IQSEC2: variants seen among roughly 807,000 people sequenced by gnomAD.
The protein encoded by IQSEC2 is IQ motif and Sec7 domain ArfGEF 2.
In IQSEC2, 6 loss-of-function variants were observed where a neutral mutation model predicts 74.6. The ratio of observed to expected loss-of-function variants is 0.08; its 90% confidence interval spans 0.04 to 0.16. IQSEC2 has a LOEUF of 0.16. Ranked by LOEUF, IQSEC2 falls within the 10% of genes least tolerant of loss-of-function variation. IQSEC2 has a pLI of 1.00. For synonymous variants in IQSEC2, 494 were observed against 544.5 expected (o/e 0.91, Z 1.29); for missense variants, 734 against 1,306.2 (o/e 0.56, Z 6.75).
intron 7 of IQSEC2, among the ~76,000 whole-genome samples, chrX:53,247,470 G>A (rs2074325632): frequency 8.9e-6 from 1 of 112,085 alleles, no homozygotes; most frequent in Non-Finnish European, 1.9e-5. Flanking sequence ...AAATGGTGAA[G>A]CCAGGATGAA....
At chrX:53,235,751 A>G in intron 14 of IQSEC2, 32 bp downstream of exon 14, 2 of 1,161,902 alleles carry the variant, frequency 1.7e-6, no homozygotes, top group Non-Finnish European at 2.3e-6. Flanking sequence ...GGGCTCATGC[A>G]GAGGACGAGT....
intron 2 of IQSEC2, among the ~76,000 whole-genome samples, chrX:53,291,083 A>AT (rs1164905107): frequency 9.0e-6 from 1 of 111,531 alleles, no homozygotes; most frequent in Non-Finnish European, 1.9e-5. Context: ...GGCCTATCCC[A>AT]TAGCCCCCAG....
intron 2 of IQSEC2, among the ~76,000 whole-genome samples, chrX:53,266,158 G>A (rs1271253828): frequency 9.0e-6 from 1 of 111,554 alleles, no homozygotes; most frequent in Non-Finnish European, 1.9e-5. Flanking sequence ...CCCGTGTTGG[G>A]AGTCATTCAT....
At chrX:53,313,497 T>C (rs1443797148) in intron 1 of IQSEC2, among the ~76,000 whole-genome samples, 2 of 111,564 alleles carry the variant, frequency 1.8e-5, no homozygotes, top group Middle Eastern at 4.6e-3. Flanking sequence ...CCAAATACCA[T>C]GAGGAAGTTA....
intron 1 of IQSEC2, among the ~76,000 whole-genome samples, chrX:53,310,467 C>T (rs997879344): frequency 1.8e-5 from 2 of 111,252 alleles, no homozygotes; most frequent in African/African-American, 6.5e-5. Flanking sequence ...TACAGAAAAA[C>T]TAAAATTCAG....
At chrX:53,306,549 T>TGGG (rs1222240746) in intron 1 of IQSEC2, among the ~76,000 whole-genome samples, 1 of 111,257 alleles carries the variant, frequency 9.0e-6, no homozygotes, top group Non-Finnish European at 1.9e-5. Context: ...CTTGGCTATG[T>TGGG]GGGGGGCCTA....
At chrX:53,318,936 A>C (rs782347761) in intron 1 of IQSEC2, among the ~76,000 whole-genome samples, 1 of 112,704 alleles carries the variant, frequency 8.9e-6, no homozygotes, top group Non-Finnish European at 1.9e-5. Flanking sequence ...TCCCGGACTG[A>C]GCTCGCAGCA....
At chrX:53,286,202 G>A (rs782090512) in intron 2 of IQSEC2, among the ~76,000 whole-genome samples, 7 of 111,522 alleles carry the variant, frequency 6.3e-5, no homozygotes, top group Non-Finnish European at 1.3e-4. Flanking sequence ...AATATTCACT[G>A]TACATTTAAA....
In IQSEC2 at chrX:53,285,127, C is replaced by T. The variant is rs1166496813; in HGVS notation, c.737+6768G>A. Among the ~76,000 whole-genome samples the T allele has an allele frequency of 2.7e-5, 3 of 112,237 alleles. No individual in the cohort carries two copies. In the East Asian group the frequency reaches 8.4e-4, roughly 31 times the overall value. On this transcript the variant is annotated intron_variant, in intron 2 of 14. Coordinates refer to ENST00000642864, the MANE Select transcript of IQSEC2 (RefSeq NM_001111125.3). ...CACTTCACTTTGCCCCACCCAACCC[C>T]TCCCCTGGCTAACTTCTACTCATGC...
rs186336237 is a variant in IQSEC2 at position 53,282,919 on chromosome X, G to A, written c.737+8976C>T. Reference sequence around the variant, plus strand: ...GAGACATTAAGTGTAGTGCTGGGCCGGGTGCAGTGGCTCACGCCTGTAATC... The same window carrying A: ...GAGACATTAAGTGTAGTGCTGGGCCAGGTGCAGTGGCTCACGCCTGTAATC... On this transcript the variant is annotated intron_variant, in intron 2 of 14. Coordinates refer to ENST00000642864, the MANE Select transcript of IQSEC2 (RefSeq NM_001111125.3). Among the ~76,000 whole-genome samples the A allele has an allele frequency of 3.7e-3, 410 of 111,969 alleles. 2 individuals are homozygous for A. Among genetic ancestry groups the A allele is most frequent in the African/African-American group, 0.012 (381 of 30,855 alleles).
chrX:53,266,612 T>C lies in IQSEC2; in HGVS notation c.738-10551A>G, dbSNP rs190839132. On this transcript the variant is annotated intron_variant, in intron 2 of 14. Transcript: ENST00000642864. ...ACAGAGGTAGGTCCTTGGGATGTCA[T>C]TTGGAGACCTCTCCAGTAGTGGCAG... 5,474 of 797,147 alleles carry C rather than the reference T, an allele frequency of 6.9e-3. 26 individuals are homozygous for C. The highest frequency in any genetic ancestry group is 7.3e-3 in the Non-Finnish European group (4,888 of 667,793). The allele number at this position is 797,147 out of a possible 1,213,427, so 65.7% of individuals were successfully genotyped here. A position where few individuals can be genotyped will look rare whatever the true frequency, so the allele number is the denominator to read the frequency against.
At chrX:53,310,216 T>C (rs1321532229) in intron 1 of IQSEC2, among the ~76,000 whole-genome samples, 2 of 110,142 alleles carry the variant, frequency 1.8e-5, no homozygotes, top group Non-Finnish European at 3.8e-5. Context: ...AGAGGGAGAC[T>C]CTGTCTCTAC....
chrX:53,241,357 C>A (rs1164493052), intron 10 of IQSEC2, among the ~76,000 whole-genome samples: 2 of 111,454 alleles, frequency 1.8e-5, no homozygotes, highest in African/African-American at 6.5e-5. Context: ...TTCAAACTGC[C>A]CTGGCCTCCC....
intron 10 of IQSEC2, among the ~76,000 whole-genome samples, chrX:53,239,883 C>T (rs1556860532): frequency 8.9e-6 from 1 of 112,041 alleles, no homozygotes; most frequent in East Asian, 2.8e-4. Flanking sequence ...GCAAGTGGCT[C>T]GTAAAAGGAA....
intron 2 of IQSEC2, chrX:53,279,548 T>C (rs1316501314): frequency 3.8e-6 from 4 of 1,058,697 alleles, no homozygotes; most frequent in Non-Finnish European, 5.3e-6. Context: ...GGGGGAGGGA[T>C]GGGTCTAGCT....
intron 4 of IQSEC2, among the ~76,000 whole-genome samples, chrX:53,253,664 T>C (rs2074422939): frequency 8.9e-6 from 1 of 112,148 alleles, no homozygotes. Flanking sequence ...CAAGGTACTA[T>C]ACATTATACT....
chrX:53,247,771 G>C (rs1343085723), intron 7 of IQSEC2, among the ~76,000 whole-genome samples: 2 of 112,158 alleles, frequency 1.8e-5, no homozygotes, highest in Non-Finnish European at 3.8e-5. Flanking sequence ...TGTAAAATGG[G>C]AATAATAACA....
chrX:53,241,131 G>T (rs2074213389), intron 10 of IQSEC2, among the ~76,000 whole-genome samples: 2 of 109,577 alleles, frequency 1.8e-5, no homozygotes, highest in African/African-American at 6.7e-5. Flanking sequence ...TTTGAGGCAG[G>T]GTCTGGCTCT....
In IQSEC2 at chrX:53,320,892, C is replaced by T; in HGVS notation, c.232G>A (p.Gly78Ser). Residue 78 changes from glycine to serine, a missense_variant, in exon 1 of 15, where the codon GGC (glycine) becomes AGC (serine). By Grantham distance (56) the Gly-to-Ser change is moderately conservative. Coordinates refer to ENST00000642864, the MANE Select transcript of IQSEC2 (RefSeq NM_001111125.3). Reference sequence around the variant, plus strand: ...TCGCGGCCCGGGCTATCCCGCGCGCCGTGGGGGTCCCGGTGCAGCTCCCCG... The same window carrying T: ...TCGCGGCCCGGGCTATCCCGCGCGCTGTGGGGGTCCCGGTGCAGCTCCCCG... ...HRGELHRDPH[G>S]ARDSPGRESQ... 8.6e-7 allele frequency: 1 copy of T among 1,165,040 alleles called. No homozygotes were observed. The highest frequency in any genetic ancestry group is 1.1e-6 in the Non-Finnish European group (1 of 872,354).
Sources: gnomAD v4.1 joint callset for allele counts (sites outside exome capture counted in the v4.1 genomes callset) on GRCh38, gnomAD v4.1.1 for gene constraint, MANE v1.5 for transcripts, NCBI Gene and HGNC (gene_info 2026-07-23, HGNC 2026-07-21) for gene names.